Variants in PPP2R1B observed in about 807,000 individuals in gnomAD.
PPP2R1B encodes serine/threonine-protein phosphatase 2A 65 kDa regulatory subunit A beta isoform.
In PPP2R1B, 58 loss-of-function variants were observed where a neutral mutation model predicts 72.7. The observed-to-expected ratio is 0.80, with a 90% CI of 0.65 to 0.99. PPP2R1B has a LOEUF of 0.99. Ranked by LOEUF, PPP2R1B falls within the 50% of genes least tolerant of loss-of-function variation. PPP2R1B has a pLI of 0.00. For missense variants in PPP2R1B, 695 were observed against 733.6 expected (o/e 0.95, Z 0.61); for synonymous variants, 256 against 264.6 (o/e 0.97, Z 0.32).
intron 14 of PPP2R1B, 36 bp downstream of exon 14, chr11:111,742,017 G>A: frequency 6.6e-7 from 1 of 1,512,884 alleles, no homozygotes; most frequent in Non-Finnish European, 9.2e-7. Context: ...AGTTAACCAA[G>A]GCATAAGCTG....
intron 6 of PPP2R1B, 75 bp from the exon 7 acceptor site, chr11:111,755,169 C>T (rs1384541176): frequency 1.3e-6 from 2 of 1,532,138 alleles, no homozygotes; most frequent in African/African-American, 2.8e-5. Flanking sequence ...ATTGTGCAAT[C>T]TGTAAATACA....
chr11:111,753,393 A>AAATTTGATTTG (rs1555048559), intron 9 of PPP2R1B, 50 bp downstream of exon 9: 2 of 1,576,900 alleles, frequency 1.3e-6, no homozygotes, highest in African/African-American at 2.8e-5. Flanking sequence ...ACCAAAATCA[A>AAATTTGATTTG]ATAAAATCAA....
chr11:111,740,632 ACTC>A lies in PPP2R1B; in HGVS notation c.*961_*963del, dbSNP rs2136039116. On this transcript the variant is annotated 3_prime_UTR_variant, in exon 15 of 15. Transcript: ENST00000527614. Reference sequence around the variant, plus strand: ...AAAAGCAAACACTTCAAATGATAAGACTCCAGTATCACCCATACTAAAAACTTA... The same window carrying A: ...AAAAGCAAACACTTCAAATGATAAGACAGTATCACCCATACTAAAAACTTA... The A allele has an allele frequency of 1.0e-6, 1 of 985,276 alleles. No individual in the cohort carries two copies. The highest frequency in any genetic ancestry group is 1.1e-4 in the East Asian group (1 of 8,824). The allele number at this position is 985,276 out of a possible 1,614,324, so 61.0% of individuals were successfully genotyped here.
At chr11:111,699,008 T>C in the PPP2R1B span, among the ~76,000 whole-genome samples, 2 of 152,214 alleles carry the variant, frequency 1.3e-5, no homozygotes, top group East Asian at 3.8e-4. Flanking sequence ...AGTATAGTTT[T>C]TCTAGAAAAT....
intron 10 of PPP2R1B, among the ~76,000 whole-genome samples, chr11:111,751,698 C>G (rs782027110): frequency 6.6e-6 from 1 of 152,206 alleles, no homozygotes; most frequent in Non-Finnish European, 1.5e-5. Flanking sequence ...CACTAATAGG[C>G]CAGATGCAGT....
At chr11:111,726,479 A>ACC (rs1176512405), downstream of PPP2R1B, 1 of 156,716 alleles carries the variant, frequency 6.4e-6, no homozygotes, top group African/African-American at 2.4e-5. Flanking sequence ...GCAGAGCGTG[A>ACC]CCCCTCCTGC....
At chr11:111,752,964 A>AAAAAC (rs1416859824) in intron 9 of PPP2R1B, among the ~76,000 whole-genome samples, 61 of 118,284 alleles carry the variant, frequency 5.2e-4, no homozygotes, top group African/African-American at 1.8e-3. Flanking sequence ...CTCCGTCTCA[A>AAAAAC]AAAACAAAAC....
Position 111,766,096 on chromosome 11 carries a change from C to A in PPP2R1B, c.114+152G>T, listed in dbSNP as rs1350049034. 6 of 734,766 alleles carry A rather than the reference C, an allele frequency of 8.2e-6. No homozygotes were observed. In the African/African-American group the frequency reaches 8.8e-5, roughly 11 times the overall value. 45.5% of individuals were successfully genotyped at this position (734,766 alleles called of 1,614,324 possible). A position where few individuals can be genotyped will look rare whatever the true frequency, so the allele number is the denominator to read the frequency against. On this transcript the variant is annotated intron_variant, in intron 1 of 14. Coordinates refer to ENST00000527614, the MANE Select transcript of PPP2R1B (RefSeq NM_002716.5). ...GGGTCGGGGCGTGTCACCACAGCCC[C>A]TCGCGGAGCATTCCCCGCCTCCCCT...
chr11:111,690,784 G>A, the PPP2R1B span, among the ~76,000 whole-genome samples: 1 of 152,174 alleles, frequency 6.6e-6, no homozygotes, highest in Admixed American at 6.5e-5. Flanking sequence ...CAAAGGACAT[G>A]AACTCATTCT....
intron 11 of PPP2R1B, among the ~76,000 whole-genome samples, chr11:111,744,952 C>T (rs1591683079): frequency 6.6e-6 from 1 of 152,064 alleles, no homozygotes; most frequent in East Asian, 1.9e-4. Flanking sequence ...CAGATTCCTT[C>T]CCTTCATATC....
At chr11:111,746,698 C>T (rs961293347) in intron 11 of PPP2R1B, among the ~76,000 whole-genome samples, 6 of 152,018 alleles carry the variant, frequency 3.9e-5, no homozygotes, top group Non-Finnish European at 8.8e-5. Context: ...TTCCCAGTAA[C>T]GTCAAATATT....
downstream of PPP2R1B, chr11:111,737,505 A>G (rs1309553706): frequency 1.2e-6 from 2 of 1,614,086 alleles, no homozygotes; most frequent in African/African-American, 1.3e-5. Context: ...TGTCAGCCCG[A>G]GGGACACTGG....
the PPP2R1B span, among the ~76,000 whole-genome samples, chr11:111,694,910 T>C: frequency 1.3e-5 from 2 of 152,344 alleles, no homozygotes; most frequent in Admixed American, 1.3e-4. Context: ...ATGTCTTACA[T>C]TGGTCAGCAG....
intron 5 of PPP2R1B, among the ~76,000 whole-genome samples, chr11:111,757,552 C>T (rs1945169340): frequency 6.6e-6 from 1 of 152,048 alleles, no homozygotes; most frequent in Non-Finnish European, 1.5e-5. Flanking sequence ...AATTACTTCT[C>T]TGGTCTGGTG....
chr11:111,766,182 G>A, intron 1 of PPP2R1B, 66 bp downstream of exon 1: 2 of 1,524,528 alleles, frequency 1.3e-6, no homozygotes, highest in Non-Finnish European at 1.8e-6. Flanking sequence ...CGCGACGCAG[G>A]CCTTCCCCCT....
At chr11:111,728,902 C>T (rs541892924) in intron 15 of PPP2R1B, 24 of 145,798 alleles carry the variant, frequency 1.6e-4, no homozygotes, top group South Asian at 4.4e-4. Flanking sequence ...CCAGCCTGGG[C>T]GACAGAGCAA....
intron 8 of PPP2R1B, among the ~76,000 whole-genome samples, chr11:111,754,192 C>T (rs1020401264): frequency 6.6e-6 from 1 of 152,218 alleles, no homozygotes; most frequent in African/African-American, 2.4e-5. Context: ...GCTTGGATTA[C>T]AGGCATGTAC....
At chr11:111,758,906 T>C (rs192541583) in intron 5 of PPP2R1B, among the ~76,000 whole-genome samples, 49 of 152,352 alleles carry the variant, frequency 3.2e-4, no homozygotes, top group African/African-American at 9.4e-4. Flanking sequence ...TTTAGATCTT[T>C]AGATTTAGGA....
At chr11:111,758,555 A>G (rs1555050371) in intron 5 of PPP2R1B, among the ~76,000 whole-genome samples, 1 of 152,162 alleles carries the variant, frequency 6.6e-6, no homozygotes, top group African/African-American at 2.4e-5. Flanking sequence ...GCACCACTGC[A>G]CTCCAGCCTG....
Sources: allele counts gnomAD v4.1 joint callset (sites outside exome capture counted in the v4.1 genomes callset), GRCh38; gene constraint gnomAD v4.1.1; transcripts MANE v1.5; gene names NCBI Gene and HGNC (gene_info 2026-07-23, HGNC 2026-07-21).